Variants in PFKM observed in about 807,000 individuals in gnomAD.
The protein encoded by PFKM is ATP-dependent 6-phosphofructokinase, muscle type.
PFKM carries 58 observed loss-of-function variants against 95.5 expected under a neutral mutation model. The observed-to-expected ratio is 0.61, with a 90% CI of 0.49 to 0.76. PFKM has a LOEUF of 0.76. PFKM is among the 30% of genes least tolerant of loss of function. The pLI is 0.00. For synonymous variants in PFKM, 336 were observed against 357.2 expected (o/e 0.94, Z 0.67); for missense variants, 678 against 1,005.4 (o/e 0.67, Z 4.40).
At position 48,143,987 on chromosome 12, in the gene PFKM, A is replaced by C. The variant is rs1304807163; in HGVS notation, c.1881-59A>C. 4 of 1,278,530 alleles carry C rather than the reference A, an allele frequency of 3.1e-6. No individual in the cohort carries two copies. In the Admixed American group the frequency reaches 6.7e-5, roughly 21 times the overall value. The allele number at this position is 1,278,530 out of a possible 1,614,324, so 79.2% of individuals were successfully genotyped here. A position where few individuals can be genotyped will look rare whatever the true frequency, so the allele number is the denominator to read the frequency against. Reference sequence around the variant, plus strand: ...AAAATTGAAAGGAAAGAACAAAGGCAGAAATGGGGGATGGGAAGCCAACCA... The same window carrying C: ...AAAATTGAAAGGAAAGAACAAAGGCCGAAATGGGGGATGGGAAGCCAACCA... On this transcript the variant is annotated intron_variant, in intron 19 of 22. Coordinates refer to ENST00000359794, the MANE Select transcript of PFKM (RefSeq NM_000289.6).
chr12:48,131,007 A>C (rs1412615165), intron 3 of PFKM, among the ~76,000 whole-genome samples: 2 of 152,138 alleles, frequency 1.3e-5, no homozygotes, highest in African/African-American at 2.4e-5. Flanking sequence ...ACCATCTGTT[A>C]TCATTGGCCC....
chr12:48,124,786 C>T (rs73104071), intron 2 of PFKM, among the ~76,000 whole-genome samples: 28,417 of 151,906 alleles, frequency 0.19, 3,202 homozygotes, highest in African/African-American at 0.32. Context: ...GTGATAGAAA[C>T]TGAAATTCTA....
intron 1 of PFKM, chr12:48,106,178 C>T (rs560507779): frequency 1.3e-5 from 9 of 699,400 alleles, no homozygotes; most frequent in Non-Finnish European, 2.3e-5. Flanking sequence ...GGTCAAAGAA[C>T]AGAGTTAAGG....
At position 48,146,018 on chromosome 12, in the gene PFKM, GT is replaced by G. The variant is rs773679612; in HGVS notation, c.*311del. On this transcript the variant is annotated 3_prime_UTR_variant, in exon 23 of 23. Transcript: ENST00000359794. ...AAAAATAAGCTTTATTTATTTCTTT[GT>G]GATAACAAAGAGTCTTGGTTCCTCT... is the stretch of plus-strand genomic sequence containing the variant. 6 of 359,384 alleles carry G rather than the reference GT, an allele frequency of 1.7e-5. No homozygotes were observed. Among genetic ancestry groups the G allele is most frequent in the Admixed American group, 4.3e-5 (1 of 23,086 alleles). The allele number at this position is 359,384 out of a possible 1,614,324, so 22.3% of individuals were successfully genotyped here.
At chr12:48,144,221 C>T in intron 20 of PFKM, 64 bp downstream of exon 20, 7 of 1,082,136 alleles carry the variant, frequency 6.5e-6, no homozygotes, top group African/African-American at 1.5e-5. Context: ...GCCATACCTG[C>T]CAACAGCCAC....
intron 17 of PFKM, 145 bp from the exon 18 acceptor site, chr12:48,142,637 A>G: frequency 2.5e-6 from 2 of 798,854 alleles, no homozygotes; most frequent in Admixed American, 2.0e-5. Context: ...CTGTTACCCT[A>G]AATGCAAGAA....
chr12:48,140,943 C>A (rs1246723318), intron 14 of PFKM, 72 bp downstream of exon 14: 41 of 1,524,878 alleles, frequency 2.7e-5, no homozygotes, highest in Non-Finnish European at 3.2e-5. Flanking sequence ...CCTGTCCATT[C>A]TCTTGGCTTC....
At chr12:48,141,274 T>G in intron 14 of PFKM, 37 bp from the exon 15 acceptor site, 1 of 1,596,358 alleles carries the variant, frequency 6.3e-7, no homozygotes, top group Non-Finnish European at 8.6e-7. Flanking sequence ...TCCTAGTGCT[T>G]TAGCCTTGTG....
At chr12:48,105,473 A>C (rs373825605), upstream of PFKM, 1 of 519,006 alleles carries the variant, frequency 1.9e-6, no homozygotes, top group Non-Finnish European at 3.8e-6. Context: ...AGGAGGGTCC[A>C]GACGTTTCTT....
chr12:48,109,644 G>A (rs1185123194), intron 3 of PFKM, among the ~76,000 whole-genome samples: 1 of 152,082 alleles, frequency 6.6e-6, no homozygotes, highest in Non-Finnish European at 1.5e-5. Context: ...ACTCAGCATT[G>A]TCTCATGGAC....
intron 3 of PFKM, among the ~76,000 whole-genome samples, chr12:48,130,892 C>T (rs1448402749): frequency 6.6e-6 from 1 of 152,190 alleles, no homozygotes; most frequent in Non-Finnish European, 1.5e-5. Flanking sequence ...TTTATAAGGT[C>T]CACCTGCTTT....
chr12:48,142,190 C>T, intron 17 of PFKM, 124 bp downstream of exon 17: 1 of 1,042,370 alleles, frequency 9.6e-7, no homozygotes, highest in East Asian at 2.4e-5. Flanking sequence ...AATGATTCTT[C>T]AGCTGGGCAT....
At chr12:48,109,170 T>C (rs1946968578) in intron 3 of PFKM, among the ~76,000 whole-genome samples, 1 of 152,194 alleles carries the variant, frequency 6.6e-6, no homozygotes, top group Non-Finnish European at 1.5e-5. Flanking sequence ...ATAATTTTGG[T>C]TCAAAATGTT....
At chr12:48,133,236 T>TTC (rs1949700307) in intron 5 of PFKM, 79 bp from the exon 6 acceptor site, 7 of 1,374,570 alleles carry the variant, frequency 5.1e-6, no homozygotes, top group African/African-American at 2.8e-5. Flanking sequence ...TGGCTAGAGT[T>TTC]TCTCTCTCTC....
At chr12:48,117,689 A>T (rs548857148), upstream of PFKM, among the ~76,000 whole-genome samples, 1 of 152,332 alleles carries the variant, frequency 6.6e-6, no homozygotes, top group East Asian at 1.9e-4. Context: ...CACTGAAAAG[A>T]GTCAAACTGT....
chr12:48,116,150 C>G (rs970909171), upstream of PFKM, among the ~76,000 whole-genome samples: 1 of 145,288 alleles, frequency 6.9e-6, no homozygotes, highest in Non-Finnish European at 1.5e-5. Context: ...TCCTCTCTCT[C>G]TCCCTCACTC....
intron 20 of PFKM, 135 bp downstream of exon 20, chr12:48,144,292 A>G (rs1392293282): frequency 4.2e-6 from 3 of 721,076 alleles, no homozygotes; most frequent in Non-Finnish European, 7.6e-6. Context: ...ATCATAGAGC[A>G]TGGGCCTGCA....
chr12:48,107,312 C>A, intron 1 of PFKM: 1 of 1,148,786 alleles, frequency 8.7e-7, no homozygotes, highest in Non-Finnish European at 1.3e-6. Flanking sequence ...CAGTCACTGA[C>A]ATCTTATTTC....
upstream of PFKM, chr12:48,105,922 C>T: frequency 3.0e-6 from 2 of 662,524 alleles, no homozygotes; most frequent in South Asian, 3.2e-5. Flanking sequence ...CAGTGCTCCC[C>T]GCTTCCGCCC....
Sources: allele counts gnomAD v4.1 joint callset (sites outside exome capture counted in the v4.1 genomes callset), GRCh38; gene constraint gnomAD v4.1.1; transcripts MANE v1.5; gene names NCBI Gene and HGNC (gene_info 2026-07-23, HGNC 2026-07-21).